DLGAP2: variants seen among roughly 807,000 people sequenced by gnomAD.
DLGAP2 encodes the protein disks large-associated protein 2.
Under a neutral mutation model 100.3 loss-of-function variants are expected in DLGAP2, and 26 were observed. That is an observed-to-expected ratio of 0.26 (90% CI 0.19 to 0.36). The LOEUF (loss-of-function observed/expected upper bound fraction) is 0.36, where lower values mean the gene tolerates loss of function less well. Among genes scored for constraint, DLGAP2 ranks in the 10% least tolerant of loss-of-function variants. DLGAP2 has a pLI of 1.00. For missense variants in DLGAP2, 1,858 were observed against 1,453.2 expected, an observed-to-expected ratio of 1.28 and a Z score of -4.53; for synonymous variants, 886 against 630.1, an observed-to-expected ratio of 1.41 and a Z score of -6.08.
chr8:1,059,765 G>A (rs1803015064), intron 2 of DLGAP2, among the ~76,000 whole-genome samples: 1 of 152,170 alleles, frequency 6.6e-6, no homozygotes, highest in African/African-American at 2.4e-5. Context: ...CGTCTGTGCA[G>A]GCGCAGTGGT....
intron 2 of DLGAP2, among the ~76,000 whole-genome samples, chr8:1,000,537 A>C (rs1800924860): frequency 6.6e-6 from 1 of 150,944 alleles, no homozygotes; most frequent in African/African-American, 2.4e-5. Context: ...GAGCGGACAG[A>C]TCTGGGTGGG....
chr8:1,187,625 C>T (rs898401773), intron 2 of DLGAP2, among the ~76,000 whole-genome samples: 2 of 140,848 alleles, frequency 1.4e-5, no homozygotes, highest in African/African-American at 5.3e-5. Flanking sequence ...ACACCCAGGA[C>T]CTCCGTGACG....
chr8:760,124 C>T (rs561476461), intron 1 of DLGAP2, among the ~76,000 whole-genome samples: 1 of 152,210 alleles, frequency 6.6e-6, no homozygotes, highest in Non-Finnish European at 1.5e-5. Context: ...GGTTTTCTTT[C>T]TTGTCCTTCC....
chr8:940,078 G>T (rs1313073555), intron 2 of DLGAP2, among the ~76,000 whole-genome samples: 1 of 152,080 alleles, frequency 6.6e-6, no homozygotes, highest in Non-Finnish European at 1.5e-5. Context: ...TAGGGTGCTT[G>T]GAATGTGAAC....
chr8:1,669,829 A>G (rs1278185819), intron 10 of DLGAP2, 45 bp downstream of exon 10: 2 of 780,598 alleles, frequency 2.6e-6, no homozygotes, highest in Admixed American at 3.4e-5. Flanking sequence ...CATGACTTTC[A>G]TTTTCTCTCC....
chr8:1,701,046 C>T (rs1428116024), intron 14 of DLGAP2, 142 bp from the exon 15 acceptor site: 2 of 737,842 alleles, frequency 2.7e-6, no homozygotes, highest in African/African-American at 3.6e-5. Flanking sequence ...GGGACCAGGG[C>T]AGACGGGGGA....
intron 3 of DLGAP2, among the ~76,000 whole-genome samples, chr8:1,308,289 AAC>A (rs1800538071): frequency 6.6e-6 from 1 of 152,166 alleles, no homozygotes; most frequent in Non-Finnish European, 1.5e-5. Flanking sequence ...AACCTTAAGA[AAC>A]AGAGACTCCA....
intron 6 of DLGAP2, among the ~76,000 whole-genome samples, chr8:1,623,330 C>G (rs984960100): frequency 2.0e-5 from 3 of 152,112 alleles, no homozygotes; most frequent in Non-Finnish European, 2.9e-5. Context: ...TGTGTGATGA[C>G]CTGGCACCAG....
At chr8:1,146,566 CAT>C (rs1003989920) in intron 2 of DLGAP2, among the ~76,000 whole-genome samples, 32 of 149,936 alleles carry the variant, frequency 2.1e-4, no homozygotes, top group Admixed American at 1.8e-3. Flanking sequence ...TGTGTGTGCA[CAT>C]GTGTGTGTAT....
At chr8:1,263,720 A>G (rs542295533) in intron 3 of DLGAP2, among the ~76,000 whole-genome samples, 17 of 152,272 alleles carry the variant, frequency 1.1e-4, no homozygotes, top group African/African-American at 3.8e-4. Context: ...GCTTCTTGAA[A>G]TTGCATATTG....
intron 6 of DLGAP2, among the ~76,000 whole-genome samples, chr8:1,618,647 C>A (rs538620921): frequency 6.6e-6 from 1 of 152,330 alleles, no homozygotes; most frequent in South Asian, 2.1e-4. Context: ...GATTTCAAGA[C>A]TTGCGTTAAA....
Position 1,193,122 on chromosome 8 carries a change from G to A in DLGAP2, c.74-65729G>A, listed in dbSNP as rs546736709. Among the ~76,000 whole-genome samples, 5 of 152,176 alleles carry A rather than the reference G, an allele frequency of 3.3e-5. No homozygotes were observed. In the East Asian group the frequency reaches 5.8e-4, roughly 18 times the overall value. On this transcript the variant is annotated intron_variant, in intron 2 of 14. Transcript: ENST00000637795. ...AGTCTTTGCTATGGTGAATAGTGCC[G>A]CTATAAACATACGTGTGCATGTGTC...
chr8:981,897 T>C (rs1355509581), intron 2 of DLGAP2, among the ~76,000 whole-genome samples: 1 of 152,248 alleles, frequency 6.6e-6, no homozygotes, highest in Non-Finnish European at 1.5e-5. Flanking sequence ...ACTTTAACGT[T>C]GAATGGGAAT....
At chr8:884,555 C>T (rs1229822296) in intron 1 of DLGAP2, among the ~76,000 whole-genome samples, 1 of 151,896 alleles carries the variant, frequency 6.6e-6, no homozygotes, top group African/African-American at 2.4e-5. Context: ...GGGTAGATTG[C>T]AAAAATTTTC....
At chr8:1,058,353 C>T (rs1767809927) in intron 2 of DLGAP2, among the ~76,000 whole-genome samples, 1 of 152,208 alleles carries the variant, frequency 6.6e-6, no homozygotes, top group Admixed American at 6.5e-5. Flanking sequence ...TGCCACGGCT[C>T]CGACGGGCGA....
chr8:951,899 T>C (rs997118427), intron 2 of DLGAP2, among the ~76,000 whole-genome samples: 4 of 152,218 alleles, frequency 2.6e-5, no homozygotes, highest in African/African-American at 9.6e-5. Flanking sequence ...GTAGACTCAT[T>C]GGAACCACTT....
intron 3 of DLGAP2, among the ~76,000 whole-genome samples, chr8:1,361,241 C>A (rs893749722): frequency 1.3e-5 from 2 of 152,164 alleles, no homozygotes; most frequent in South Asian, 4.1e-4. Context: ...CAAGGTGACT[C>A]CCCAAGGACA....
At chr8:1,653,625 G>C (rs1415024866) in intron 8 of DLGAP2, among the ~76,000 whole-genome samples, 1 of 152,196 alleles carries the variant, frequency 6.6e-6, no homozygotes, top group Non-Finnish European at 1.5e-5. Flanking sequence ...GGGCAAGTCA[G>C]GATGTTTGGG....
At chr8:1,336,407 C>T (rs1472971690) in intron 3 of DLGAP2, among the ~76,000 whole-genome samples, 1 of 152,148 alleles carries the variant, frequency 6.6e-6, no homozygotes, top group East Asian at 1.9e-4. Context: ...AGGCACCGTG[C>T]ATCCACAGGC....
Sources: gnomAD v4.1 joint callset for allele counts (sites outside exome capture counted in the v4.1 genomes callset) on GRCh38, gnomAD v4.1.1 for gene constraint, MANE v1.5 for transcripts, NCBI Gene and HGNC (gene_info 2026-07-23, HGNC 2026-07-21) for gene names.